Variants in PCDH15 observed in about 807,000 individuals in gnomAD.
The protein encoded by PCDH15 is protocadherin related 15, also known as protocadherin-15.
PCDH15 carries 129 observed loss-of-function variants against 178.5 expected under a neutral mutation model. The ratio of observed to expected loss-of-function variants is 0.72; its 90% CI spans 0.63 to 0.84. The LOEUF (loss-of-function observed/expected upper bound fraction) is 0.84, where lower values mean the gene tolerates loss of function less well. Ranked by LOEUF, PCDH15 falls within the 40% of genes least tolerant of loss-of-function variation. PCDH15 has a pLI of 0.00. For synonymous variants in PCDH15, 800 were observed against 732.0 expected (o/e 1.09, Z -1.50); for missense variants, 2,230 against 2,099.9 (o/e 1.06, Z -1.21).
At position 54,334,249 on chromosome 10, in the gene PCDH15, A is replaced by G. The variant is rs1342288; in HGVS notation, c.595-4543T>C. Reference sequence around the variant, plus strand: ...CTCCATTTAGTAAAATAAGGGCATAAGGCAGTTTAAGCAATTTATCACTAT... The same window carrying G: ...CTCCATTTAGTAAAATAAGGGCATAGGGCAGTTTAAGCAATTTATCACTAT... On this transcript the variant is annotated intron_variant, in intron 6 of 37. Coordinates refer to ENST00000644397, the MANE Select transcript of PCDH15 (RefSeq NM_001384140.1). Among the ~76,000 whole-genome samples the G allele has an allele frequency of 8.0e-3, 1,221 of 152,294 alleles. 12 individuals carry two copies. The highest frequency in any genetic ancestry group is 0.027 in the African/African-American group (1,141 of 41,556).
chr10:54,626,630 C>T (rs942419938), intron 2 of PCDH15, among the ~76,000 whole-genome samples: 3 of 152,176 alleles, frequency 2.0e-5, no homozygotes, highest in Non-Finnish European at 4.4e-5. Flanking sequence ...GCCTGGATGT[C>T]CAGGCAGAAG....
At chr10:55,412,624 A>C (rs1838367340) in intron 2 of PCDH15, among the ~76,000 whole-genome samples, 1 of 152,120 alleles carries the variant, frequency 6.6e-6, no homozygotes, top group South Asian at 2.1e-4. Context: ...TAGAGGGATT[A>C]ATAAAATGGA....
At position 54,013,874 on chromosome 10, in the gene PCDH15, A is replaced by G. The variant is rs139187201; in HGVS notation, c.2751+6318T>C. ...GAGAAACAAGAGCAAACCAAACTCA[A>G]AGCTAGCAGAAGACAAGAAATAACC... On this transcript the variant is annotated intron_variant, in intron 20 of 37. Transcript: ENST00000644397. Among the ~76,000 whole-genome samples the G allele has an allele frequency of 5.8e-3, 889 of 152,188 alleles. 4 individuals are homozygous for G. The highest frequency in any genetic ancestry group is 0.02 in the African/African-American group (821 of 41,518).
intron 2 of PCDH15, among the ~76,000 whole-genome samples, chr10:55,418,549 T>G (rs1838541226): frequency 6.6e-6 from 1 of 151,752 alleles, no homozygotes; most frequent in Non-Finnish European, 1.5e-5. Flanking sequence ...GCTGGACTGG[T>G]GCTATTGCAA....
chr10:54,221,407 GAATTTT>G (rs1399318804), intron 9 of PCDH15, among the ~76,000 whole-genome samples: 1 of 151,890 alleles, frequency 6.6e-6, no homozygotes, highest in African/African-American at 2.4e-5. Flanking sequence ...TTAAAATGTA[GAATTTT>G]AATTACACGT....
At chr10:55,291,698 G>T (rs1427252114) in intron 1 of PCDH15, among the ~76,000 whole-genome samples, 2 of 152,148 alleles carry the variant, frequency 1.3e-5, no homozygotes, top group Non-Finnish European at 2.9e-5. Context: ...TAAGCTTGTT[G>T]TATTAGTCCA....
At chr10:54,758,938 A>G (rs1342988421) in intron 1 of PCDH15, among the ~76,000 whole-genome samples, 1 of 152,006 alleles carries the variant, frequency 6.6e-6, no homozygotes, top group East Asian at 1.9e-4. Context: ...TGCCTCCTAT[A>G]GGTCTGGCTT....
chr10:55,549,065 A>G (rs1314688003), intron 2 of PCDH15, among the ~76,000 whole-genome samples: 3 of 152,140 alleles, frequency 2.0e-5, no homozygotes, highest in Non-Finnish European at 4.4e-5. Context: ...CATTTCAATC[A>G]TCTTGTTTTC....
chr10:54,713,268 T>G (rs1355226567), intron 1 of PCDH15, among the ~76,000 whole-genome samples: 1 of 151,980 alleles, frequency 6.6e-6, no homozygotes, highest in East Asian at 1.9e-4. Flanking sequence ...TCAAGTTTTT[T>G]TACATTTAAT....
At chr10:54,017,791 A>C (rs901196608) in intron 20 of PCDH15, among the ~76,000 whole-genome samples, 8 of 152,154 alleles carry the variant, frequency 5.3e-5, no homozygotes, top group African/African-American at 1.9e-4. Flanking sequence ...CTGAATCTAA[A>C]ATAAAATATG....
intron 2 of PCDH15, among the ~76,000 whole-genome samples, chr10:55,504,736 C>G (rs1371361032): frequency 2.0e-5 from 3 of 151,248 alleles, no homozygotes; most frequent in Non-Finnish European, 4.4e-5. Context: ...TCATATTATA[C>G]TGTTATTTTT....
intron 2 of PCDH15, among the ~76,000 whole-genome samples, chr10:55,090,172 T>A (rs553737526): frequency 6.6e-6 from 1 of 151,994 alleles, no homozygotes; most frequent in East Asian, 1.9e-4. Flanking sequence ...CTAGGAAAAA[T>A]TAATGTTATA....
At chr10:54,296,614 C>T (rs2059808448) in intron 8 of PCDH15, among the ~76,000 whole-genome samples, 1 of 152,104 alleles carries the variant, frequency 6.6e-6, no homozygotes, top group Admixed American at 6.6e-5. Flanking sequence ...TCTTTAGGCA[C>T]CCAGGCTCAC....
intron 32 of PCDH15, among the ~76,000 whole-genome samples, chr10:53,820,867 C>CAAAG (rs1219203488): frequency 1.3e-5 from 2 of 151,904 alleles, no homozygotes; most frequent in African/African-American, 2.4e-5. Flanking sequence ...TTGTTTAAAA[C>CAAAG]AAAGAGCAGA....
chr10:55,598,555 T>G (rs981545701), intron 2 of PCDH15, among the ~76,000 whole-genome samples: 19 of 95,410 alleles, frequency 2.0e-4, no homozygotes, highest in African/African-American at 7.5e-4. Context: ...TATATATATA[T>G]ATATATATAT....
At chr10:55,048,118 A>C (rs1168360973) in intron 2 of PCDH15, among the ~76,000 whole-genome samples, 1 of 151,902 alleles carries the variant, frequency 6.6e-6, no homozygotes, top group South Asian at 2.1e-4. Flanking sequence ...TATATGTTTA[A>C]GAAAAAAGGA....
At chr10:54,383,576 T>C (rs1237656092) in intron 3 of PCDH15, among the ~76,000 whole-genome samples, 1 of 151,434 alleles carries the variant, frequency 6.6e-6, no homozygotes, top group Non-Finnish European at 1.5e-5. Context: ...GGCCATCAAA[T>C]TGCTGCAGTT....
At chr10:54,893,954 T>G (rs961785662) in intron 3 of PCDH15, among the ~76,000 whole-genome samples, 16 of 152,114 alleles carry the variant, frequency 1.1e-4, no homozygotes, top group Non-Finnish European at 2.2e-4. Context: ...AATCATCTGA[T>G]CACTGGAAAA....
chr10:54,400,409 C>T (rs1364368051), intron 3 of PCDH15, among the ~76,000 whole-genome samples: 1 of 151,986 alleles, frequency 6.6e-6, no homozygotes, highest in East Asian at 1.9e-4. Context: ...TGTTATTTTT[C>T]ACTCTACTAG....
Sources: allele counts gnomAD v4.1 joint callset (sites outside exome capture counted in the v4.1 genomes callset), GRCh38; gene constraint gnomAD v4.1.1; transcripts MANE v1.5; gene names NCBI Gene and HGNC (gene_info 2026-07-23, HGNC 2026-07-21).